WDR62: variants seen among roughly 807,000 people sequenced by gnomAD.
WDR62 encodes the protein WD repeat-containing protein 62.
In WDR62, 112 loss-of-function variants were observed where a neutral mutation model predicts 160.6. The observed-to-expected ratio is 0.70, with a 90% confidence interval of 0.60 to 0.82. WDR62 has a LOEUF of 0.82. Among genes scored for constraint, WDR62 ranks in the 40% least tolerant of loss-of-function variants. The probability of loss-of-function intolerance (pLI) is 0.00; values close to 1 mark genes in which losing one functional copy is unlikely to be tolerated. For synonymous variants in WDR62, 792 were observed against 815.1 expected, an observed-to-expected ratio of 0.97 and a Z score of 0.48; for missense variants, 1,819 against 1,983.8, an observed-to-expected ratio of 0.92 and a Z score of 1.58.
chr19:36,084,811 A>ACACC (rs1972113337), intron 12 of WDR62, 67 bp downstream of exon 12: 8 of 1,455,014 alleles, frequency 5.5e-6, no homozygotes, highest in Non-Finnish European at 7.7e-6. Flanking sequence ...GGGCCACAGA[A>ACACC]AGGGGTAGTT....
chr19:36,063,105 C>T (rs12462632), intron 3 of WDR62, among the ~76,000 whole-genome samples: 41,677 of 151,856 alleles, frequency 0.27, 6,045 homozygotes, highest in Non-Finnish European at 0.32. Context: ...CCACCATGTC[C>T]GGCTAATTTT....
In WDR62 at chr19:36,083,108, C is replaced by T; in HGVS notation, c.1417C>T (p.Gln473Ter). The change falls in exon 11 of 32, where the codon CAG becomes TAG. Residue 473 changes from glutamine to a stop codon, truncating the protein, a stop_gained. Coordinates refer to ENST00000401500, the MANE Select transcript of WDR62 (RefSeq NM_001083961.2). LOFTEE classifies it high-confidence loss of function. ...VYVENDIQHL[Q>*]DMSHFPDRGS... ...CGTGGAGAATGACATCCAGCACCTGCAGGACATGTCACACTTCCCAGACCG... is the reference window on the plus strand; with the variant it reads ...CGTGGAGAATGACATCCAGCACCTGTAGGACATGTCACACTTCCCAGACCG... The T allele has an allele frequency of 9.9e-6, 16 of 1,613,658 alleles. No individual in the cohort carries two copies. The highest frequency in any genetic ancestry group is 1.4e-5 in the Non-Finnish European group (16 of 1,179,798).
In WDR62 at chr19:36,055,081, C is replaced by T. The variant is rs762426577; in HGVS notation, c.110C>T (p.Ala37Val). The change falls in exon 1 of 32, where the codon GCC (alanine) becomes GTC (valine). Residue 37 changes from alanine (A) to valine (V), a missense_variant. Transcript: ENST00000401500. ...ARRGQSSPPP[A>V]PPICLRRRTR... ...AGGGGCCAGTCCTCCCCGCCCCCCG[C>T]CCCACCAATCTGCCTACGGCGGCGG... The T allele has an allele frequency of 1.1e-5, 18 of 1,602,346 alleles. No homozygotes were observed. Among genetic ancestry groups the T allele is most frequent in the East Asian group, 2.3e-5 (1 of 44,244 alleles).
chr19:36,055,672 G>T (rs984791170), intron 1 of WDR62, among the ~76,000 whole-genome samples: 1 of 152,170 alleles, frequency 6.6e-6, no homozygotes, highest in Non-Finnish European at 1.5e-5. Flanking sequence ...TGAGAAAGAC[G>T]TGAGAAGTTA....
chr19:36,078,212 A>G (rs936371351), intron 9 of WDR62, among the ~76,000 whole-genome samples: 48 of 148,960 alleles, frequency 3.2e-4, no homozygotes, highest in Non-Finnish European at 5.2e-4. Flanking sequence ...CAGTGGTATG[A>G]TCTCCGCTCA....
intron 7 of WDR62, chr19:36,071,186 A>G (rs1388196035): frequency 7.6e-6 from 2 of 263,226 alleles, no homozygotes; most frequent in Non-Finnish European, 1.5e-5. Flanking sequence ...CCTGGGCGCA[A>G]CAAAAAACTC....
intron 9 of WDR62, among the ~76,000 whole-genome samples, chr19:36,080,009 C>T (rs1451988441): frequency 6.6e-6 from 1 of 152,094 alleles, no homozygotes; most frequent in Non-Finnish European, 1.5e-5. Context: ...GGCTCTTTGT[C>T]CTTCTCAGCT....
chr19:36,069,733 A>G (rs920748308), intron 7 of WDR62, among the ~76,000 whole-genome samples: 15 of 152,254 alleles, frequency 9.9e-5, no homozygotes, highest in Non-Finnish European at 1.9e-4. Flanking sequence ...CTCCGTCTGC[A>G]ATCCCGGCAC....
At chr19:36,065,859 G>A in intron 3 of WDR62, 99 bp from the exon 4 acceptor site, 1 of 1,190,786 alleles carries the variant, frequency 8.4e-7, no homozygotes, top group Non-Finnish European at 1.3e-6. Context: ...CCGAGGCTTG[G>A]GAGGCAGAAG....
chr19:36,058,979 T>C (rs547073277), intron 2 of WDR62, 108 bp downstream of exon 2: 289 of 906,716 alleles, frequency 3.2e-4, no homozygotes, highest in Non-Finnish European at 4.6e-4. Context: ...ACCTGTAGAA[T>C]GTGGAGAATG....
Position 36,091,442 on chromosome 19 carries a change from C to G in WDR62, c.2187C>G (p.His729Gln). The G allele has an allele frequency of 3.1e-6, 5 of 1,610,564 alleles. No individual in the cohort carries two copies. Among genetic ancestry groups the G allele is most frequent in the Non-Finnish European group, 4.2e-6 (5 of 1,177,772 alleles). ...TSMKFTYDCH[H>Q]LITVSGDSCV... Reference sequence around the variant, plus strand: ...TGAAGTTCACCTATGACTGTCATCACTTGATCACAGTATCTGGAGACAGGT... The same window carrying G: ...TGAAGTTCACCTATGACTGTCATCAGTTGATCACAGTATCTGGAGACAGGT... Residue 729 changes from histidine (H) to glutamine (Q), a missense_variant, in exon 18 of 32, where the codon CAC (histidine) becomes CAG (glutamine). Transcript: ENST00000401500.
rs962237729 is a variant in WDR62, at chr19:36,059,093, A to AG, written c.269+228dup. 6 of 683,542 alleles carry AG rather than the reference A, an allele frequency of 8.8e-6. No individual in the cohort carries two copies. The African/African-American group carries it at 8.9e-5, about 10-fold the overall frequency. 42.3% of individuals were successfully genotyped at this position (683,542 alleles called of 1,614,324 possible). On this transcript the variant is annotated intron_variant, in intron 2 of 31. Coordinates refer to ENST00000401500, the MANE Select transcript of WDR62 (RefSeq NM_001083961.2). ...CAATGAAAGCCTTTATTATGACTACAGGGGGGAGGTGACAGCGATTCTGGG... is the reference window on the plus strand; with the variant it reads ...CAATGAAAGCCTTTATTATGACTACAGGGGGGGAGGTGACAGCGATTCTGGG...
intron 1 of WDR62, among the ~76,000 whole-genome samples, chr19:36,056,360 C>G (rs554524503): frequency 1.4e-4 from 21 of 152,250 alleles, no homozygotes; most frequent in Admixed American, 1.4e-3. Flanking sequence ...GCTGTACCTC[C>G]CATGTGCTCT....
At chr19:36,082,347 A>C (rs1455192617) in intron 10 of WDR62, among the ~76,000 whole-genome samples, 4 of 152,200 alleles carry the variant, frequency 2.6e-5, no homozygotes, top group Admixed American at 1.3e-4. Flanking sequence ...AGGGACAGCT[A>C]AGTTGAGATT....
intron 1 of WDR62, among the ~76,000 whole-genome samples, chr19:36,057,016 T>A (rs951064728): frequency 1.2e-4 from 18 of 152,078 alleles, no homozygotes; most frequent in Non-Finnish European, 2.6e-4. Flanking sequence ...GGTCTCGCCG[T>A]GTTGGCCAGG....
intron 12 of WDR62, among the ~76,000 whole-genome samples, chr19:36,085,493 T>TCACTG (rs1266697473): frequency 3.7e-4 from 55 of 147,792 alleles, no homozygotes; most frequent in Admixed American, 8.4e-4. Context: ...CGATCTCAGT[T>TCACTG]CACTGCAACT....
rs1973279268 is a variant in WDR62 at position 36,100,760 on chromosome 19, C to T, written c.2752C>T (p.Gln918Ter). 1 of 1,614,102 alleles carries T rather than the reference C, an allele frequency of 6.2e-7. No individual in the cohort carries two copies. The highest frequency in any genetic ancestry group is 2.2e-5 in the East Asian group (1 of 44,888). ...ASLLSESESP[Q>*]EAGRGHPSFL... ...GTCTTCCCCATAGTCAGAGAGTCCC[C>T]AGGAAGCTGGCCGCGGGCACCCCTC... is the stretch of plus-strand genomic sequence containing the variant. The change falls in exon 23 of 32, where the codon CAG (glutamine) becomes TAG (stop). Residue 918 changes from glutamine to a stop codon, truncating the protein, a stop_gained. Transcript: ENST00000401500. LOFTEE classifies it high-confidence loss of function.
Position 36,090,433 on chromosome 19 carries a change from C to A in WDR62, c.1959-12C>A. ...GGGCCCTGTTGGCCGCAACATGCCC[C>A]TACTTCCCCAGAGTCTACAACACTG... On this transcript the variant is annotated splice_polypyrimidine_tract_variant and intron_variant, in intron 15 of 31. Transcript: ENST00000401500. 6.2e-7 allele frequency: 1 copy of A among 1,614,002 alleles called. No individual in the cohort carries two copies. The highest frequency in any genetic ancestry group is 1.1e-5 in the South Asian group (1 of 91,076).
chr19:36,065,883 A>G (rs1970909838), intron 3 of WDR62, 75 bp from the exon 4 acceptor site: 1 of 1,439,062 alleles, frequency 6.9e-7, no homozygotes, highest in Non-Finnish European at 9.8e-7. Context: ...GCAGAGTCCT[A>G]TCAGAGTCGC....
Sources: gnomAD v4.1 joint callset for allele counts (sites outside exome capture counted in the v4.1 genomes callset) on GRCh38, gnomAD v4.1.1 for gene constraint, MANE v1.5 for transcripts, NCBI Gene and HGNC (gene_info 2026-07-23, HGNC 2026-07-21) for gene names.